Variants in FGD5 observed in about 807,000 individuals in gnomAD.
FGD5 encodes the protein FYVE, RhoGEF and PH domain containing 5.
Under a neutral mutation model 133.4 loss-of-function variants are expected in FGD5, and 28 were observed. That is an observed-to-expected ratio of 0.21 (90% CI 0.16 to 0.29). FGD5 has a LOEUF of 0.29. FGD5 is among the 10% of genes least tolerant of loss of function. FGD5 has a pLI of 1.00. For synonymous variants in FGD5, 810 were observed against 776.5 expected (o/e 1.04, Z -0.72); for missense variants, 1,858 against 1,895.2 (o/e 0.98, Z 0.36).
chr3:14,912,111 TCTTCCCCATG>T (rs1023880803), intron 11 of FGD5, among the ~76,000 whole-genome samples: 1 of 151,748 alleles, frequency 6.6e-6, no homozygotes, highest in African/African-American at 2.4e-5. Context: ...GTGAGTGGGG[TCTTCCCCATG>T]CCCCAAATAG....
At chr3:14,839,420 A>G (rs928729201) in intron 1 of FGD5, among the ~76,000 whole-genome samples, 3 of 152,048 alleles carry the variant, frequency 2.0e-5, no homozygotes, top group Non-Finnish European at 2.9e-5. Flanking sequence ...AGAAGGTTTG[A>G]CTGTCGTCAG....
Position 14,897,524 on chromosome 3 carries a change from G to A in FGD5, c.2764G>A (p.Val922Ile). 2 of 1,606,012 alleles carry A rather than the reference G, an allele frequency of 1.2e-6. No individual in the cohort carries two copies. The highest frequency in any genetic ancestry group is 1.7e-6 in the Non-Finnish European group (2 of 1,176,392). Residue 922 changes from valine (V) to isoleucine (I), a missense_variant, in exon 5 of 20, where the codon GTC (valine) becomes ATC (isoleucine). By Grantham distance (29) the Val-to-Ile change is conservative (BLOSUM62 3). Around this residue, in one of 3 missense-constraint regions of FGD5, gnomAD observed 1,824 missense variants for 1,848.9 expected, o/e 0.99. Coordinates refer to ENST00000285046, the MANE Select transcript of FGD5 (RefSeq NM_152536.4). Reference sequence around the variant, plus strand: ...GGTGTTTCAGGATTTCCATGGAGCTGTCATGAGGGCCTTGGATGACATGGA... The same window carrying A: ...GGTGTTTCAGGATTTCCATGGAGCTATCATGAGGGCCTTGGATGACATGGA... ...QHLNLDFHGA[V>I]MRALDDMDHE... is the part of the protein sequence containing the mutation.
chr3:14,862,152 C>T (rs982654410), intron 1 of FGD5, among the ~76,000 whole-genome samples: 1 of 152,128 alleles, frequency 6.6e-6, no homozygotes, highest in Non-Finnish European at 1.5e-5. Flanking sequence ...CTGGCATGCA[C>T]CTTCCTTTTG....
intron 4 of FGD5, among the ~76,000 whole-genome samples, chr3:14,894,529 T>C (rs2038095940): frequency 6.6e-6 from 1 of 151,568 alleles, no homozygotes; most frequent in Admixed American, 6.6e-5. Flanking sequence ...TTTTTTTCCT[T>C]TTTTGAGACA....
intron 11 of FGD5, among the ~76,000 whole-genome samples, chr3:14,914,773 G>A (rs2038519793): frequency 6.6e-6 from 1 of 152,194 alleles, no homozygotes; most frequent in South Asian, 2.1e-4. Flanking sequence ...GCCTCTCTGG[G>A]CCTCAGTTTC....
At chr3:14,822,932 T>G (rs759437706) in intron 1 of FGD5, among the ~76,000 whole-genome samples, 1 of 152,246 alleles carries the variant, frequency 6.6e-6, no homozygotes. Context: ...GATAATTCTC[T>G]TGAGTATTTT....
intron 2 of FGD5, among the ~76,000 whole-genome samples, chr3:14,869,711 G>T (rs1029248427): frequency 9.2e-5 from 14 of 152,160 alleles, no homozygotes; most frequent in African/African-American, 3.4e-4. Flanking sequence ...TTTTGTGAGT[G>T]GCTTATAGAC....
chr3:14,922,449 C>T lies in FGD5; in HGVS notation c.3708C>T (p.Pro1236=). 6.4e-7 allele frequency: 1 copy of T among 1,571,108 alleles called. No homozygotes were observed. The highest frequency in any genetic ancestry group is 1.2e-5 in the South Asian group (1 of 85,182). ...TGGGGGTTAGCCTTGGGGAGAGGCC[C>T]CCCACCCTGGTGCCTGTCACACACG... ...ERLGVSLGER[P]PTLVPVTHVM... The change falls in exon 15 of 20, where the codon CCC becomes CCT. Residue 1236 remains proline (P), a synonymous_variant. Transcript: ENST00000285046. The surrounding 1 kb of genome is among the most constrained non-coding windows in gnomAD (Gnocchi z 4.1).
At chr3:14,906,801 CT>C (rs1344175848) in intron 9 of FGD5, among the ~76,000 whole-genome samples, 1 of 152,244 alleles carries the variant, frequency 6.6e-6, no homozygotes, top group African/African-American at 2.4e-5. Flanking sequence ...TGTGGACGGG[CT>C]TGCCAGGTGG....
At chr3:14,883,280 T>G (rs1374292586) in intron 4 of FGD5, among the ~76,000 whole-genome samples, 1 of 152,168 alleles carries the variant, frequency 6.6e-6, no homozygotes, top group Non-Finnish European at 1.5e-5. Context: ...TCACAAAGCT[T>G]AAAATATTTA....
chr3:14,875,110 G>T (rs2125113144), intron 2 of FGD5, among the ~76,000 whole-genome samples: 1 of 152,278 alleles, frequency 6.6e-6, no homozygotes, highest in African/African-American at 2.4e-5. Context: ...GTGGTCCCCA[G>T]GGGACTTGGA....
chr3:14,817,424 G>A (rs1199831423), upstream of FGD5, among the ~76,000 whole-genome samples: 1 of 152,114 alleles, frequency 6.6e-6, no homozygotes, highest in Admixed American at 6.5e-5. Context: ...TCGAACTCCT[G>A]ACCTCAAGTG....
chr3:14,859,498 C>T (rs1464529051), intron 1 of FGD5, among the ~76,000 whole-genome samples: 4 of 151,918 alleles, frequency 2.6e-5, no homozygotes, highest in Non-Finnish European at 5.9e-5. Context: ...GCAGAGGTTG[C>T]ACTTAGCAGA....
intron 4 of FGD5, among the ~76,000 whole-genome samples, chr3:14,882,900 AT>A (rs2037854623): frequency 6.6e-6 from 1 of 152,090 alleles, no homozygotes; most frequent in Admixed American, 6.5e-5. Context: ...CTTCGAATCT[AT>A]CCCTGGTTGC....
chr3:14,876,375 G>A (rs938715623), intron 2 of FGD5, among the ~76,000 whole-genome samples: 1 of 152,070 alleles, frequency 6.6e-6, no homozygotes, highest in African/African-American at 2.4e-5. Flanking sequence ...ATGATCGAGG[G>A]CCCCAAAGAA....
At chr3:14,903,660 A>C (rs1032305373) in intron 9 of FGD5, among the ~76,000 whole-genome samples, 11 of 152,078 alleles carry the variant, frequency 7.2e-5, no homozygotes, top group Non-Finnish European at 1.6e-4. Context: ...AGTTTCATCC[A>C]TGTCCCTACA....
At chr3:14,910,628 T>C (rs1384890669) in intron 10 of FGD5, among the ~76,000 whole-genome samples, 1 of 152,234 alleles carries the variant, frequency 6.6e-6, no homozygotes, top group Non-Finnish European at 1.5e-5. Context: ...TTCAGGACTA[T>C]GATCCAAGCC....
At chr3:14,932,850 G>A (rs1421950645) in intron 19 of FGD5, 119 bp downstream of exon 19, 9 of 1,225,826 alleles carry the variant, frequency 7.3e-6, no homozygotes, top group Non-Finnish European at 9.2e-6. Context: ...GTCCCTTTGG[G>A]CCATAGCAGA....
At chr3:14,856,040 A>T (rs1480899253) in intron 1 of FGD5, among the ~76,000 whole-genome samples, 1 of 151,620 alleles carries the variant, frequency 6.6e-6, no homozygotes, top group Non-Finnish European at 1.5e-5. Context: ...ATCCCTTTTG[A>T]GGTTGATTTT....
Sources: gnomAD v4.1 joint callset for allele counts (sites outside exome capture counted in the v4.1 genomes callset) on GRCh38, gnomAD v4.1.1 for gene constraint, gnomAD v4.1.1 regional missense constraint, Gnocchi (gnomAD v3.1) non-coding constraint, MANE v1.5 for transcripts, NCBI Gene and HGNC (gene_info 2026-07-23, HGNC 2026-07-21) for gene names.